Variants in MYO1B observed in about 807,000 individuals in gnomAD.
MYO1B encodes unconventional myosin-Ib.
In MYO1B, 72 loss-of-function variants were observed where a neutral mutation model predicts 159.7. The observed-to-expected ratio is 0.45, with a 90% confidence interval of 0.37 to 0.55. The LOEUF is 0.55. Among genes scored for constraint, MYO1B ranks in the 20% least tolerant of loss-of-function variants. The pLI is 0.00. For missense variants in MYO1B, 1,062 were observed against 1,364.8 expected (o/e 0.78, Z 3.50); for synonymous variants, 468 against 473.8 (o/e 0.99, Z 0.16).
intron 4 of MYO1B, among the ~76,000 whole-genome samples, chr2:191,335,873 A>G (rs982157313): frequency 2.0e-5 from 3 of 152,216 alleles, no homozygotes; most frequent in Admixed American, 1.3e-4. Context: ...GTTATGTAAC[A>G]TGGGCACTTA....
At chr2:191,254,057 G>T (rs542087658) in intron 1 of MYO1B, among the ~76,000 whole-genome samples, 30 of 152,256 alleles carry the variant, frequency 2.0e-4, no homozygotes, top group Admixed American at 6.5e-4. Flanking sequence ...ACAAGAAAGG[G>T]ATTGATTTTG....
intron 2 of MYO1B, among the ~76,000 whole-genome samples, chr2:191,287,967 T>C (rs1688479460): frequency 6.6e-6 from 1 of 152,098 alleles, no homozygotes; most frequent in African/African-American, 2.4e-5. Context: ...ATTCTCTGTC[T>C]TTGGTATGTG....
At chr2:191,247,400 C>T (rs1261901672) in intron 1 of MYO1B, among the ~76,000 whole-genome samples, 1 of 152,120 alleles carries the variant, frequency 6.6e-6, no homozygotes, top group Non-Finnish European at 1.5e-5. Context: ...TATCTCCTGC[C>T]CACTAAGTGG....
intron 27 of MYO1B, 47 bp from the exon 28 acceptor site, chr2:191,414,001 C>T (rs1402206157): frequency 1.3e-6 from 2 of 1,544,356 alleles, no homozygotes; most frequent in Admixed American, 2.1e-5. Flanking sequence ...TTTAGTGGTA[C>T]TTTCATTTGA....
intron 9 of MYO1B, 21 bp from the exon 10 acceptor site, chr2:191,363,707 C>T: frequency 1.4e-6 from 2 of 1,432,306 alleles, no homozygotes; most frequent in East Asian, 2.5e-5. Flanking sequence ...AAAATAGTTG[C>T]TTTTTTTTTT....
intron 2 of MYO1B, among the ~76,000 whole-genome samples, chr2:191,278,908 T>C (rs1450797735): frequency 6.6e-6 from 1 of 152,242 alleles, no homozygotes; most frequent in Non-Finnish European, 1.5e-5. Flanking sequence ...ATCATTTTTC[T>C]TTTTGGCTCT....
chr2:191,342,378 G>C (rs571519351), intron 5 of MYO1B, among the ~76,000 whole-genome samples: 8 of 152,230 alleles, frequency 5.3e-5, no homozygotes, highest in Non-Finnish European at 7.4e-5. Flanking sequence ...GAGGGTTAGG[G>C]CTTCAACATA....
Position 191,385,993 on chromosome 2 carries a change from A to T in MYO1B, c.1463A>T (p.His488Leu). 6.2e-7 allele frequency: 1 copy of T among 1,614,172 alleles called. No homozygotes were observed. The highest frequency in any genetic ancestry group is 8.5e-7 in the Non-Finnish European group (1 of 1,179,998). ...AACCAAGTATGTGCCACCCACCAGCATTTTGAGAGCAGGATGAGCAAGTGC... is the reference window on the plus strand; with the variant it reads ...AACCAAGTATGTGCCACCCACCAGCTTTTTGAGAGCAGGATGAGCAAGTGC... ...KLNQVCATHQ[H>L]FESRMSKCSR... The change falls in exon 16 of 31, where the codon CAT (histidine) becomes CTT (leucine). Residue 488 changes from histidine to leucine, a missense_variant. Coordinates refer to ENST00000392318, the MANE Select transcript of MYO1B (RefSeq NM_001130158.3).
chr2:191,288,591 A>G (rs1189590223), intron 2 of MYO1B, among the ~76,000 whole-genome samples: 2 of 152,224 alleles, frequency 1.3e-5, no homozygotes, highest in Non-Finnish European at 2.9e-5. Flanking sequence ...GCTATATTAT[A>G]AACTTCCCAG....
At chr2:191,349,319 T>G (rs1395897105) in intron 6 of MYO1B, among the ~76,000 whole-genome samples, 1 of 152,242 alleles carries the variant, frequency 6.6e-6, no homozygotes, top group Non-Finnish European at 1.5e-5. Context: ...ACAAATTGCA[T>G]TGTTGACTGA....
At position 191,381,713 on chromosome 2, in the gene MYO1B, T is replaced by C. The variant is rs566854360; in HGVS notation, c.1290+147T>C. On this transcript the variant is annotated intron_variant, in intron 14 of 30. Coordinates refer to ENST00000392318, the MANE Select transcript of MYO1B (RefSeq NM_001130158.3). ...TCTGTCATTCTAGAAGAGGCAAAGC[T>C]ATAGAGACTGATTACCTATAAGAAG... 3 of 622,902 alleles carry C rather than the reference T, an allele frequency of 4.8e-6. No homozygotes were observed. In the African/African-American group the frequency reaches 5.5e-5, roughly 11 times the overall value. 38.6% of individuals were successfully genotyped at this position (622,902 alleles called of 1,614,324 possible).
intron 9 of MYO1B, 154 bp from the exon 10 acceptor site, chr2:191,363,574 G>T: frequency 1.8e-6 from 1 of 553,632 alleles, no homozygotes; most frequent in Non-Finnish European, 2.3e-6. Flanking sequence ...GGTACCCCCA[G>T]GGTTCCTCGA....
At chr2:191,338,142 A>G (rs13016536) in intron 4 of MYO1B, among the ~76,000 whole-genome samples, 3 of 43,496 alleles carry the variant, frequency 6.9e-5, no homozygotes, top group Non-Finnish European at 1.3e-4. Flanking sequence ...ATATGTCAGG[A>G]AAAAAAAAAT....
At chr2:191,371,932 T>C (rs1694391737) in intron 13 of MYO1B, among the ~76,000 whole-genome samples, 1 of 152,172 alleles carries the variant, frequency 6.6e-6, no homozygotes, top group Admixed American at 6.5e-5. Context: ...AATTTCTTGG[T>C]AGAAAGGGAA....
chr2:191,400,886 A>T, intron 23 of MYO1B, 51 bp downstream of exon 23: 2 of 1,548,842 alleles, frequency 1.3e-6, no homozygotes, highest in Non-Finnish European at 1.8e-6. Context: ...TGCAATAATC[A>T]GTCCTTACCT....
At position 191,425,368 on chromosome 2, in the gene MYO1B, C is replaced by T. The variant is rs1483108497; in HGVS notation, c.*1408C>T. 1.3e-5 allele frequency: 2 copies of T among 152,138 alleles called. No homozygotes were observed. Among genetic ancestry groups the T allele is most frequent in the African/African-American group, 4.8e-5 (2 of 41,436 alleles). The allele number at this position is 152,138 out of a possible 1,614,324, so 9.4% of individuals were successfully genotyped here. On this transcript the variant is annotated 3_prime_UTR_variant, in exon 31 of 31. Transcript: ENST00000392318. Reference sequence around the variant, plus strand: ...GACTTGTATTTTTAAAAATTGCTCACATAAAGAAGTTCTCAGAAGTCTTTG... The same window carrying T: ...GACTTGTATTTTTAAAAATTGCTCATATAAAGAAGTTCTCAGAAGTCTTTG...
chr2:191,350,232 A>G lies in MYO1B; in HGVS notation c.562+7A>G. ...GGAGGAGTAATAAGTAACTGTGAGT[A>G]TTTTTCTTCAGTCCTTGTAAAGAAG... On this transcript the variant is annotated splice_region_variant and intron_variant, in intron 7 of 30. Transcript: ENST00000392318. 1 of 1,605,306 alleles carries G rather than the reference A, an allele frequency of 6.2e-7. No individual in the cohort carries two copies. Among genetic ancestry groups the G allele is most frequent in the Non-Finnish European group, 8.5e-7 (1 of 1,172,584 alleles).
At chr2:191,400,495 G>A (rs1559236818) in intron 22 of MYO1B, 27 bp downstream of exon 22, 3 of 1,612,114 alleles carry the variant, frequency 1.9e-6, no homozygotes, top group Admixed American at 1.7e-5. Context: ...AAGGAAGGCG[G>A]TGGGTCAGCA....
chr2:191,375,958 C>T (rs78544150), intron 13 of MYO1B, among the ~76,000 whole-genome samples: 1 of 106,328 alleles, frequency 9.4e-6, no homozygotes, highest in East Asian at 2.7e-4. Flanking sequence ...GACTCCGTAT[C>T]AAAAAAAAAA....
Sources: allele counts gnomAD v4.1 joint callset (sites outside exome capture counted in the v4.1 genomes callset), GRCh38; gene constraint gnomAD v4.1.1; transcripts MANE v1.5; gene names NCBI Gene and HGNC (gene_info 2026-07-23, HGNC 2026-07-21).